Variants in CRADD observed in about 807,000 individuals in gnomAD.
CRADD encodes CARD and death domain containing adaptor protein.
CRADD carries 9 observed loss-of-function variants against 15.5 expected under a neutral mutation model. That is an observed-to-expected ratio of 0.58 (90% CI 0.35 to 1.01). CRADD has a LOEUF of 1.01. Among genes scored for constraint, CRADD ranks in the 50% least tolerant of loss-of-function variants. The probability of loss-of-function intolerance (pLI) is 0.02; values close to 1 mark genes in which losing one functional copy is unlikely to be tolerated. For synonymous variants in CRADD, 118 were observed against 107.6 expected, an observed-to-expected ratio of 1.10 and a Z score of -0.60; for missense variants, 227 against 250.3, an observed-to-expected ratio of 0.91 and a Z score of 0.63.
chr12:93,711,055 C>CCCCCCTTTTTTTT, intron 2 of CRADD, among the ~76,000 whole-genome samples: 2 of 43,510 alleles, frequency 4.6e-5, no homozygotes, highest in African/African-American at 8.5e-5. Flanking sequence ...CCACCCCCGC[C>CCCCCCTTTTTTTT]TTTTTTTTTT....
intron 2 of CRADD, among the ~76,000 whole-genome samples, chr12:93,748,594 A>C (rs1460124578): frequency 2.0e-5 from 3 of 152,212 alleles, no homozygotes; most frequent in Non-Finnish European, 4.4e-5. Context: ...GGCATGACCC[A>C]CTGCGCCCAG....
intron 2 of CRADD, among the ~76,000 whole-genome samples, chr12:93,772,296 A>C (rs554526400): frequency 2.6e-5 from 4 of 152,230 alleles, no homozygotes; most frequent in Non-Finnish European, 5.9e-5. Context: ...TGATGAGGGC[A>C]CTACATTAAA....
At chr12:93,814,070 G>A (rs1001054268) in intron 2 of CRADD, among the ~76,000 whole-genome samples, 1 of 152,126 alleles carries the variant, frequency 6.6e-6, no homozygotes, top group Non-Finnish European at 1.5e-5. Flanking sequence ...GGCCATGAGA[G>A]GTTTCTCAGC....
At chr12:93,734,646 C>T (rs1391556244) in intron 2 of CRADD, among the ~76,000 whole-genome samples, 1 of 152,224 alleles carries the variant, frequency 6.6e-6, no homozygotes, top group African/African-American at 2.4e-5. Context: ...AACACCACTG[C>T]ATCATCAGGC....
chr12:93,772,362 ACAAAAGAGG>A (rs2136961777), intron 2 of CRADD, among the ~76,000 whole-genome samples: 1 of 152,342 alleles, frequency 6.6e-6, no homozygotes, highest in South Asian at 2.1e-4. Flanking sequence ...TGTGCCCTTT[ACAAAAGAGG>A]CAATATGAAT....
chr12:93,783,017 A>G (rs1957229234), intron 2 of CRADD, among the ~76,000 whole-genome samples: 1 of 152,014 alleles, frequency 6.6e-6, no homozygotes, highest in Non-Finnish European at 1.5e-5. Context: ...AAAAACAGTC[A>G]AGTGTTCTAT....
At chr12:93,867,403 A>ATATATATATATATATTTTT (rs985334638) in intron 2 of CRADD, among the ~76,000 whole-genome samples, 1 of 143,426 alleles carries the variant, frequency 7.0e-6, no homozygotes, top group South Asian at 2.2e-4. Context: ...ATATATATAT[A>ATATATATATATATATTTTT]TTTTTTAAAC....
At chr12:93,858,345 G>A (rs750463622) in intron 2 of CRADD, among the ~76,000 whole-genome samples, 3 of 152,190 alleles carry the variant, frequency 2.0e-5, no homozygotes, top group African/African-American at 4.8e-5. Context: ...GGAGCATGAC[G>A]AAGGACGGAG....
At chr12:93,833,815 A>AT (rs1431673853) in intron 2 of CRADD, among the ~76,000 whole-genome samples, 1 of 106,408 alleles carries the variant, frequency 9.4e-6, no homozygotes, top group Non-Finnish European at 2.1e-5. Flanking sequence ...GCTGGTTTTC[A>AT]TTTTGTGTTT....
At chr12:93,859,663 G>C (rs531400348) in intron 2 of CRADD, among the ~76,000 whole-genome samples, 2 of 152,192 alleles carry the variant, frequency 1.3e-5, no homozygotes, top group African/African-American at 4.8e-5. Flanking sequence ...TCCAGGGCTG[G>C]GTTGTCCTTT....
At chr12:93,797,602 C>A (rs1957433248) in intron 2 of CRADD, among the ~76,000 whole-genome samples, 2 of 152,046 alleles carry the variant, frequency 1.3e-5, no homozygotes, top group Admixed American at 6.6e-5. Context: ...AATGTCTGGG[C>A]CACATCTTGG....
downstream of CRADD, among the ~76,000 whole-genome samples, chr12:93,855,515 G>A (rs7961970): frequency 0.03 from 4,549 of 152,334 alleles, 232 homozygotes; most frequent in African/African-American, 0.1. Flanking sequence ...AATGCAATCA[G>A]GCCTGCGCCT....
intron 2 of CRADD, among the ~76,000 whole-genome samples, chr12:93,877,573 C>T (rs371747667): frequency 6.6e-6 from 1 of 152,228 alleles, no homozygotes; most frequent in Admixed American, 6.5e-5. Context: ...AGATGCAGTC[C>T]TTCCTCCTCT....
chr12:93,749,740 A>G (rs1956809392), intron 2 of CRADD, among the ~76,000 whole-genome samples: 1 of 152,146 alleles, frequency 6.6e-6, no homozygotes, highest in Non-Finnish European at 1.5e-5. Flanking sequence ...ATCTCCCAAC[A>G]CGCCCATCAT....
At chr12:93,731,063 T>C (rs1956455852) in intron 2 of CRADD, among the ~76,000 whole-genome samples, 1 of 152,174 alleles carries the variant, frequency 6.6e-6, no homozygotes, top group Admixed American at 6.5e-5. Flanking sequence ...AAACAAAGCA[T>C]GTTGCAAAAC....
At chr12:93,753,717 G>C (rs549411058) in intron 2 of CRADD, among the ~76,000 whole-genome samples, 11 of 152,356 alleles carry the variant, frequency 7.2e-5, no homozygotes, top group African/African-American at 2.6e-4. Flanking sequence ...CTCACATCCA[G>C]GTCCTGCTGG....
At chr12:93,716,147 G>T (rs889206453) in intron 2 of CRADD, among the ~76,000 whole-genome samples, 1 of 150,854 alleles carries the variant, frequency 6.6e-6, no homozygotes, top group African/African-American at 2.4e-5. Flanking sequence ...AAAAAAAAAG[G>T]AAAAAAATTA....
intron 2 of CRADD, among the ~76,000 whole-genome samples, chr12:93,779,197 T>C (rs1464824752): frequency 1.3e-5 from 2 of 152,362 alleles, no homozygotes; most frequent in Non-Finnish European, 1.5e-5. Flanking sequence ...GAAACATAGA[T>C]GTTTCAATCC....
chr12:93,821,834 C>T (rs922610505), intron 2 of CRADD, among the ~76,000 whole-genome samples: 2 of 152,070 alleles, frequency 1.3e-5, no homozygotes, highest in African/African-American at 4.8e-5. Flanking sequence ...ATGTAGACAG[C>T]AGGCCAGGTG....
Sources: allele counts gnomAD v4.1 joint callset (sites outside exome capture counted in the v4.1 genomes callset), GRCh38; gene constraint gnomAD v4.1.1; transcripts MANE v1.5; gene names NCBI Gene and HGNC (gene_info 2026-07-23, HGNC 2026-07-21).